Variants in LEF1 observed in about 807,000 individuals in gnomAD.
LEF1 encodes lymphoid enhancer-binding factor 1.
LEF1 carries 14 observed loss-of-function variants against 51.2 expected under a neutral mutation model. That is an observed-to-expected ratio of 0.27 (90% CI 0.18 to 0.43). LEF1 has a LOEUF of 0.43. LEF1 is among the 20% of genes least tolerant of loss of function. The pLI, the probability that LEF1 is intolerant of heterozygous loss-of-function variation, is 1.00. For missense variants in LEF1, 386 were observed against 512.0 expected, an observed-to-expected ratio of 0.75 and a Z score of 2.37; for synonymous variants, 185 against 183.2, an observed-to-expected ratio of 1.01 and a Z score of -0.08.
chr4:108,087,226 A>G (rs1315998393), intron 4 of LEF1, among the ~76,000 whole-genome samples: 1 of 152,232 alleles, frequency 6.6e-6, no homozygotes, highest in Non-Finnish European at 1.5e-5. Flanking sequence ...GAGTTTATAT[A>G]TCTCCAGAAG....
intron 3 of LEF1, among the ~76,000 whole-genome samples, chr4:108,089,874 C>A (rs1296185138): frequency 2.6e-5 from 4 of 152,288 alleles, no homozygotes; most frequent in Admixed American, 2.0e-4. Flanking sequence ...ACAAGACTAG[C>A]CATTATGCTT....
At chr4:108,080,358 T>G (rs1270653598) in intron 6 of LEF1, among the ~76,000 whole-genome samples, 1 of 152,150 alleles carries the variant, frequency 6.6e-6, no homozygotes, top group Non-Finnish European at 1.5e-5. Context: ...CTAGATAAAT[T>G]TGGATATGTT....
At chr4:108,100,859 CTTAT>C (rs1352780000) in intron 3 of LEF1, among the ~76,000 whole-genome samples, 5 of 152,192 alleles carry the variant, frequency 3.3e-5, no homozygotes, top group Admixed American at 6.5e-5. Flanking sequence ...GTGAAAAACT[CTTAT>C]TTATTTCTTT....
chr4:108,063,591 C>A, intron 11 of LEF1, 32 bp downstream of exon 11: 9 of 1,559,176 alleles, frequency 5.8e-6, no homozygotes, highest in Non-Finnish European at 7.9e-6. Context: ...TAACAACTAA[C>A]GTCAGCAGTA....
In LEF1 at chr4:108,167,951, G is replaced by A. The variant is rs1223984087; in HGVS notation, c.-184C>T. 8.8e-6 allele frequency: 3 copies of A among 340,590 alleles called. No individual in the cohort carries two copies. The highest frequency in any genetic ancestry group is 1.5e-5 in the Non-Finnish European group (3 of 194,832). The allele number at this position is 340,590 out of a possible 1,614,324, so 21.1% of individuals were successfully genotyped here. On this transcript the variant is annotated 5_prime_UTR_variant, in exon 1 of 12. Coordinates refer to ENST00000265165, the MANE Select transcript of LEF1 (RefSeq NM_016269.5). This position sits in a 1 kb window ranked among gnomAD's most constrained non-coding sequence, Gnocchi z 5.7. ...GCCGGCAGCCGGAGCAGCTGCCGCG[G>A]CGCCCGAATCCCGGCGGCCGCCGCG... is the stretch of plus-strand genomic sequence containing the variant.
chr4:108,149,634 T>C (rs111231422), intron 3 of LEF1, among the ~76,000 whole-genome samples: 1 of 149,672 alleles, frequency 6.7e-6, no homozygotes. Context: ...TGTATATATA[T>C]GTACATATAT....
chr4:108,066,071 T>C (rs1259372554), intron 9 of LEF1, among the ~76,000 whole-genome samples: 4 of 152,132 alleles, frequency 2.6e-5, no homozygotes, highest in Admixed American at 2.6e-4. Context: ...CCTGGCTAAA[T>C]TTTGTATTTT....
rs980103757 is a variant in LEF1 at position 108,137,328 on chromosome 4, T to C, written c.414+26240A>G. The stretch of plus-strand genomic sequence containing the variant: ...CTGGGTGCAGTGTACACTGCTCTGG[T>C]GATGGATACAACAAAATCTCAGAAA... On this transcript the variant is annotated intron_variant, in intron 3 of 11. Transcript: ENST00000265165. 3.3e-5 allele frequency among the ~76,000 whole-genome samples: 5 copies of C among 152,244 alleles called. No individual in the cohort carries two copies. The East Asian group carries it at 9.7e-4, about 29-fold the overall frequency.
chr4:108,119,982 A>G (rs1742060405), intron 3 of LEF1, among the ~76,000 whole-genome samples: 1 of 136,510 alleles, frequency 7.3e-6, no homozygotes, highest in Non-Finnish European at 1.5e-5. Context: ...TTATATGTGT[A>G]TATTTTATAT....
At position 108,048,495 on chromosome 4, in the gene LEF1, T is replaced by C. The variant is rs1736764436; in HGVS notation, c.*263A>G. The C allele has an allele frequency of 1.9e-5, 8 of 426,546 alleles. No individual in the cohort carries two copies. The East Asian group carries it at 2.8e-4, about 15-fold the overall frequency. 26.4% of individuals were successfully genotyped at this position (426,546 alleles called of 1,614,324 possible). On this transcript the variant is annotated 3_prime_UTR_variant, in exon 12 of 12. Coordinates refer to ENST00000265165, the MANE Select transcript of LEF1 (RefSeq NM_016269.5). ...TAGCATTCTCATGTGCTTTTACATT[T>C]CCTTTTAAAAAACCTTTTTATGCTT...
chr4:108,089,805 G>A (rs781626407), intron 3 of LEF1, among the ~76,000 whole-genome samples: 15 of 152,126 alleles, frequency 9.9e-5, no homozygotes, highest in Middle Eastern at 6.8e-3. Context: ...ACTCTATGTT[G>A]TACATCTTTA....
At chr4:108,101,339 A>G (rs1045897565) in intron 3 of LEF1, among the ~76,000 whole-genome samples, 14 of 152,232 alleles carry the variant, frequency 9.2e-5, no homozygotes, top group Non-Finnish European at 2.1e-4. Context: ...CCAAATGCAC[A>G]GAAGCTGACA....
chr4:108,091,010 G>C (rs536040433), intron 3 of LEF1, among the ~76,000 whole-genome samples: 105 of 152,236 alleles, frequency 6.9e-4, no homozygotes, highest in African/African-American at 2.3e-3. Context: ...GAATTTAAGA[G>C]AAAATTGAGC....
At chr4:108,054,461 A>T (rs1737196876) in intron 11 of LEF1, among the ~76,000 whole-genome samples, 1 of 152,236 alleles carries the variant, frequency 6.6e-6, no homozygotes, top group Non-Finnish European at 1.5e-5. Flanking sequence ...CTCATCCTTC[A>T]GACAGAACTG....
At chr4:108,145,781 T>C (rs966422461) in intron 3 of LEF1, among the ~76,000 whole-genome samples, 2 of 152,142 alleles carry the variant, frequency 1.3e-5, no homozygotes, top group Non-Finnish European at 2.9e-5. Flanking sequence ...ATGTCTCAAA[T>C]AGGGAAATAT....
chr4:108,107,526 G>A (rs1741247533), intron 3 of LEF1, among the ~76,000 whole-genome samples: 1 of 150,828 alleles, frequency 6.6e-6, no homozygotes, highest in South Asian at 2.1e-4. Flanking sequence ...AAAGGGAAAT[G>A]GTGGTGCTAC....
intron 9 of LEF1, among the ~76,000 whole-genome samples, chr4:108,068,147 AT>A (rs1738207351): frequency 6.6e-6 from 1 of 151,134 alleles, no homozygotes; most frequent in Non-Finnish European, 1.5e-5. Context: ...CATGCCTGTA[AT>A]CCCAGTTACT....
In LEF1 at chr4:108,066,780, G is replaced by C. The variant is rs1738112187; in HGVS notation, c.1117-2396C>G. Among the ~76,000 whole-genome samples, 4 of 152,124 alleles carry C rather than the reference G, an allele frequency of 2.6e-5. No homozygotes were observed. The South Asian group carries it at 6.2e-4, about 24-fold the overall frequency. On this transcript the variant is annotated intron_variant, in intron 9 of 11. Transcript: ENST00000265165. ...TTTTTTTGTTAAAATTATACGGACT[G>C]TATAATATTGGAAAGCATTAAAAAC...
intron 6 of LEF1, among the ~76,000 whole-genome samples, chr4:108,080,991 G>C (rs964313575): frequency 1.3e-5 from 2 of 151,292 alleles, no homozygotes; most frequent in African/African-American, 2.4e-5. Context: ...GGTGCGGCGC[G>C]GCAGGCCTCC....
Sources: allele counts gnomAD v4.1 joint callset (sites outside exome capture counted in the v4.1 genomes callset), GRCh38; gene constraint gnomAD v4.1.1; non-coding constraint Gnocchi (gnomAD v3.1); transcripts MANE v1.5; gene names NCBI Gene and HGNC (gene_info 2026-07-23, HGNC 2026-07-21).